The following MGAT4C variants were observed in gnomAD, a reference collection of about 807,000 sequenced individuals.
The protein encoded by MGAT4C is MGAT4 family member C.
Under a neutral mutation model 40.1 loss-of-function variants are expected in MGAT4C, and 19 were observed. That is an observed-to-expected ratio of 0.47 (90% confidence interval 0.33 to 0.70). The LOEUF (loss-of-function observed/expected upper bound fraction) is 0.70, where lower values mean the gene tolerates loss of function less well. Ranked by LOEUF, MGAT4C falls within the 30% of genes least tolerant of loss-of-function variation. The pLI, the probability that MGAT4C is intolerant of heterozygous loss-of-function variation, is 0.02. For missense variants in MGAT4C, 491 were observed against 563.2 expected, an observed-to-expected ratio of 0.87 and a Z score of 1.30; for synonymous variants, 181 against 187.1, an observed-to-expected ratio of 0.97 and a Z score of 0.27.
At chr12:86,428,049 C>T (rs1956963124) in intron 3 of MGAT4C, among the ~76,000 whole-genome samples, 1 of 149,848 alleles carries the variant, frequency 6.7e-6, no homozygotes, top group Non-Finnish European at 1.5e-5. Flanking sequence ...ACAACAACAA[C>T]AAAACCACAA....
At chr12:86,456,715 C>A (rs1230351591) in intron 2 of MGAT4C, among the ~76,000 whole-genome samples, 1 of 151,950 alleles carries the variant, frequency 6.6e-6, no homozygotes, top group Non-Finnish European at 1.5e-5. Flanking sequence ...GAAAAGGGGG[C>A]AAATTTATCT....
chr12:86,429,416 G>C (rs1956990950), intron 3 of MGAT4C, among the ~76,000 whole-genome samples: 2 of 152,140 alleles, frequency 1.3e-5, no homozygotes, highest in South Asian at 4.1e-4. Flanking sequence ...TTGTGTGCTT[G>C]AGAAGAATGT....
intron 2 of MGAT4C, among the ~76,000 whole-genome samples, chr12:86,628,963 G>GT (rs1962923472): frequency 6.6e-6 from 1 of 152,020 alleles, no homozygotes; most frequent in East Asian, 1.9e-4. Flanking sequence ...ACTGGATAAA[G>GT]AGTGAAGACC....
At chr12:86,080,252 C>G (rs939661494) in intron 1 of MGAT4C, among the ~76,000 whole-genome samples, 2 of 152,026 alleles carry the variant, frequency 1.3e-5, no homozygotes, top group African/African-American at 4.8e-5. Context: ...TATGTTTTAC[C>G]AAATCCAATA....
At chr12:86,257,245 T>C (rs1307018758), upstream of MGAT4C, among the ~76,000 whole-genome samples, 1 of 152,084 alleles carries the variant, frequency 6.6e-6, no homozygotes, top group Non-Finnish European at 1.5e-5. Flanking sequence ...TTAAATCCAG[T>C]GGGAGAGGAG....
chr12:85,994,164 T>A (rs1384708844), intron 2 of MGAT4C, among the ~76,000 whole-genome samples: 1 of 152,158 alleles, frequency 6.6e-6, no homozygotes, highest in African/African-American at 2.4e-5. Context: ...TGAAGTAGAA[T>A]AAAACAACAA....
At chr12:86,600,847 G>A (rs186273323) in intron 2 of MGAT4C, among the ~76,000 whole-genome samples, 33 of 152,328 alleles carry the variant, frequency 2.2e-4, no homozygotes, top group Non-Finnish European at 3.8e-4. Context: ...TCTCGGGGCC[G>A]GGAAAGCCCC....
intron 1 of MGAT4C, among the ~76,000 whole-genome samples, chr12:86,197,407 T>C (rs1402520707): frequency 2.6e-5 from 4 of 152,160 alleles, no homozygotes; most frequent in Non-Finnish European, 5.9e-5. Flanking sequence ...TAACCTTCAG[T>C]CTGACATATT....
chr12:86,681,898 A>G (rs957381165), intron 2 of MGAT4C, among the ~76,000 whole-genome samples: 1 of 151,984 alleles, frequency 6.6e-6, no homozygotes, highest in Non-Finnish European at 1.5e-5. Flanking sequence ...CTGAACAAAA[A>G]TGACTTGAAA....
chr12:86,585,933 CT>C (rs146231522), intron 2 of MGAT4C, among the ~76,000 whole-genome samples: 121 of 149,006 alleles, frequency 8.1e-4, no homozygotes, highest in South Asian at 1.7e-3. Flanking sequence ...AAGGTAGGCA[CT>C]TTTTTTTTCC....
intron 1 of MGAT4C, among the ~76,000 whole-genome samples, chr12:86,209,203 C>T (rs1364867157): frequency 6.6e-6 from 1 of 151,872 alleles, no homozygotes; most frequent in Non-Finnish European, 1.5e-5. Flanking sequence ...ATATTAAGAG[C>T]TTTTCCATTA....
chr12:86,470,401 G>C (rs1328513402), intron 2 of MGAT4C, among the ~76,000 whole-genome samples: 1 of 152,008 alleles, frequency 6.6e-6, no homozygotes, highest in Non-Finnish European at 1.5e-5. Context: ...AACTGAAGTA[G>C]GAAGGAATCC....
At chr12:86,160,320 T>C (rs770672473) in intron 1 of MGAT4C, among the ~76,000 whole-genome samples, 18 of 152,086 alleles carry the variant, frequency 1.2e-4, no homozygotes, top group Admixed American at 5.2e-4. Flanking sequence ...AGCAAGCTGT[T>C]TAATTTCCAT....
rs76404655 is a variant in MGAT4C, at chr12:86,124,863, G to T, written c.-56-75140C>A. ...AAATAAATTTCCCTGTAGAGGTGAG[G>T]GCATATTTCTGGGTCTGTCCCCAGT... On this transcript the variant is annotated intron_variant, in intron 1 of 4. Transcript: ENST00000611864. Among the ~76,000 whole-genome samples the T allele has an allele frequency of 0.022, 3,374 of 152,108 alleles. 265 individuals are homozygous for T. In the East Asian group the frequency reaches 0.28, roughly 13 times the overall value.
intron 1 of MGAT4C, among the ~76,000 whole-genome samples, chr12:86,166,719 G>A (rs1455860116): frequency 6.6e-6 from 1 of 152,086 alleles, no homozygotes; most frequent in Non-Finnish European, 1.5e-5. Flanking sequence ...AACATATATG[G>A]TGTAACAATA....
intron 1 of MGAT4C, among the ~76,000 whole-genome samples, chr12:86,104,070 A>AT (rs1032827035): frequency 2.6e-5 from 4 of 151,966 alleles, no homozygotes; most frequent in Non-Finnish European, 4.4e-5. Context: ...TGGGCACTTT[A>AT]TTTTTTATCA....
chr12:86,787,907 C>T (rs1354967892), intron 1 of MGAT4C, among the ~76,000 whole-genome samples: 2 of 151,910 alleles, frequency 1.3e-5, no homozygotes, highest in Non-Finnish European at 2.9e-5. Context: ...ATACCTTTGG[C>T]CAAGGGAGAG....
chr12:86,685,939 TGCAA>T (rs1323078524), intron 2 of MGAT4C, among the ~76,000 whole-genome samples: 3 of 151,604 alleles, frequency 2.0e-5, no homozygotes, highest in Non-Finnish European at 4.4e-5. Context: ...CTCAGCTCAC[TGCAA>T]GCTCTGCCTC....
At chr12:86,526,411 G>A (rs1166988022) in intron 2 of MGAT4C, among the ~76,000 whole-genome samples, 1 of 152,104 alleles carries the variant, frequency 6.6e-6, no homozygotes, top group African/African-American at 2.4e-5. Context: ...GATATGGAGG[G>A]TTTCCATGGG....
Sources: gnomAD v4.1 joint callset for allele counts (sites outside exome capture counted in the v4.1 genomes callset) on GRCh38, gnomAD v4.1.1 for gene constraint, MANE v1.5 for transcripts, NCBI Gene and HGNC (gene_info 2026-07-23, HGNC 2026-07-21) for gene names.